Variants in MBNL3 observed in about 807,000 individuals in gnomAD.
The protein encoded by MBNL3 is muscleblind-like protein 3.
MBNL3 carries 6 observed loss-of-function variants against 24.5 expected under a neutral mutation model. The ratio of observed to expected loss-of-function variants is 0.25; its 90% CI spans 0.13 to 0.48. MBNL3 has a LOEUF of 0.48. MBNL3 is among the 20% of genes least tolerant of loss of function. MBNL3 has a pLI of 0.99. For synonymous variants in MBNL3, 100 were observed against 101.7 expected (o/e 0.98, Z 0.10); for missense variants, 230 against 293.5 (o/e 0.78, Z 1.58).
chrX:132,409,249 T>G (rs2148302514), intron 2 of MBNL3, among the ~76,000 whole-genome samples: 1 of 111,959 alleles, frequency 8.9e-6, no homozygotes, highest in Admixed American at 9.4e-5. Flanking sequence ...AACAAACTTG[T>G]TTTTTTTACA....
chrX:132,478,688 T>C lies in MBNL3; in HGVS notation c.-704+10163A>G, dbSNP rs149138614. Among the ~76,000 whole-genome samples, 89 of 112,551 alleles carry C rather than the reference T, an allele frequency of 7.9e-4. 1 individual carries two copies. The East Asian group carries it at 0.022, about 28-fold the overall frequency. ...TGATATTTTCTTACTGTCTATTTAATGCAATTCTGTTTAATAGAAATGCTA... is the reference window on the plus strand; with the variant it reads ...TGATATTTTCTTACTGTCTATTTAACGCAATTCTGTTTAATAGAAATGCTA... On this transcript the variant is annotated intron_variant, in intron 1 of 8. Transcript: ENST00000370853.
At position 132,392,130 on chromosome X, in the gene MBNL3, T is replaced by C. The variant is rs1937277917; in HGVS notation, c.534+13A>G. The C allele has an allele frequency of 1.7e-6, 2 of 1,173,207 alleles. No individual in the cohort carries two copies. The highest frequency in any genetic ancestry group is 2.3e-6 in the Non-Finnish European group (2 of 869,984). The stretch of plus-strand genomic sequence containing the variant: ...TCTATTCTACAGGTATTTATATATA[T>C]GTTCACAAATACCTCCAGTTTATCT... On this transcript the variant is annotated intron_variant, in intron 4 of 8. Transcript: ENST00000370853.
Position 132,439,667 on chromosome X carries a change from C to T in MBNL3, c.-56G>A. 9.2e-7 allele frequency: 1 copy of T among 1,088,133 alleles called. No individual in the cohort carries two copies. The allele number at this position is 1,088,133 out of a possible 1,213,427, so 89.7% of individuals were successfully genotyped here. A position where few individuals can be genotyped will look rare whatever the true frequency, so the allele number is the denominator to read the frequency against. On this transcript the variant is annotated 5_prime_UTR_variant, in exon 2 of 9. Coordinates refer to ENST00000370853, the MANE Select transcript of MBNL3 (RefSeq NM_001386889.1). ...CTCTTTAGGACAATATTACTGTGGA[C>T]TATTAAAGGATTAAAAATGAATTCA...
At chrX:132,381,750 G>A (rs769326009) in intron 8 of MBNL3, among the ~76,000 whole-genome samples, 1 of 112,028 alleles carries the variant, frequency 8.9e-6, no homozygotes, top group South Asian at 3.7e-4. Flanking sequence ...TCCATGTCTT[G>A]GAAAGAAATG....
Position 132,406,220 on chromosome X carries a change from C to T in MBNL3, c.342+8G>A. ...ATCGGCAATTTTCAAAATATAGCTG[C>T]GACTTACAAGTGATGACATTTGAGC... is the stretch of plus-strand genomic sequence containing the variant. On this transcript the variant is annotated splice_region_variant and intron_variant, in intron 3 of 8. Coordinates refer to ENST00000370853, the MANE Select transcript of MBNL3 (RefSeq NM_001386889.1). 1 of 1,210,689 alleles carries T rather than the reference C, an allele frequency of 8.3e-7. No individual in the cohort carries two copies. The highest frequency in any genetic ancestry group is 1.1e-6 in the Non-Finnish European group (1 of 894,924).
At chrX:132,441,757 A>G (rs1373105834) in intron 1 of MBNL3, among the ~76,000 whole-genome samples, 1 of 111,914 alleles carries the variant, frequency 8.9e-6, no homozygotes, top group Non-Finnish European at 1.9e-5. Context: ...ATATACCCAA[A>G]GTATCTGAAA....
rs923995634 is a variant in MBNL3, at chrX:132,373,038, G to C, written c.*6628C>G. On this transcript the variant is annotated 3_prime_UTR_variant, in exon 9 of 9. Coordinates refer to ENST00000370853, the MANE Select transcript of MBNL3 (RefSeq NM_001386889.1). ...GTTAGTAATAGAGGGCTTTTTTTGG[G>C]GGGGGGCCTCAGTTACATCCATTTG... 9.1e-6 allele frequency: 1 copy of C among 109,800 alleles called. No homozygotes were observed. Among genetic ancestry groups the C allele is most frequent in the Non-Finnish European group, 1.9e-5 (1 of 52,487 alleles). The allele number at this position is 109,800 out of a possible 1,213,427, so 9.0% of individuals were successfully genotyped here. A position where few individuals can be genotyped will look rare whatever the true frequency, so the allele number is the denominator to read the frequency against.
At chrX:132,483,826 G>A (rs1360830468) in intron 1 of MBNL3, among the ~76,000 whole-genome samples, 2 of 111,806 alleles carry the variant, frequency 1.8e-5, no homozygotes, top group African/African-American at 6.5e-5. Flanking sequence ...CCTGTATCTT[G>A]GTAAGTAAAA....
chrX:132,489,713 G>GCCGCGGGCGGGCATGCGGAGC (rs74928874), upstream of MBNL3: 74 of 108,262 alleles, frequency 6.8e-4, no homozygotes, highest in African/African-American at 1.9e-3. Flanking sequence ...GGCCAGCGGA[G>GCCGCGGGCGGGCATGCGGAGC]CGCGGGCGGG....
intron 1 of MBNL3, among the ~76,000 whole-genome samples, chrX:132,478,305 T>A (rs1947551728): frequency 9.0e-6 from 1 of 111,659 alleles, no homozygotes; most frequent in Middle Eastern, 4.2e-3. Context: ...ACATAATATA[T>A]AAAGTTTCTG....
At chrX:132,413,914 G>A (rs766121543) in intron 2 of MBNL3, among the ~76,000 whole-genome samples, 1 of 112,101 alleles carries the variant, frequency 8.9e-6, no homozygotes, top group Non-Finnish European at 1.9e-5. Context: ...GTGCAGAGGT[G>A]AGGGGTGGTT....
At chrX:132,448,376 G>A (rs1345336754) in intron 1 of MBNL3, among the ~76,000 whole-genome samples, 1 of 111,514 alleles carries the variant, frequency 9.0e-6, no homozygotes, top group Non-Finnish European at 1.9e-5. Flanking sequence ...TCTTGGGAGG[G>A]TGCATGTGTC....
intron 1 of MBNL3, among the ~76,000 whole-genome samples, chrX:132,487,853 GAAACA>G (rs993753703): frequency 3.6e-5 from 4 of 112,113 alleles, no homozygotes; most frequent in African/African-American, 9.7e-5. Context: ...ACTGGAGGGG[GAAACA>G]AAACAAAACA....
At chrX:132,471,678 G>A (rs1192931435) in intron 1 of MBNL3, among the ~76,000 whole-genome samples, 10 of 112,810 alleles carry the variant, frequency 8.9e-5, no homozygotes, top group Non-Finnish European at 1.9e-4. Context: ...GCCACAGAGT[G>A]AGACCCCCTT....
Position 132,377,162 on chromosome X carries a change from A to G in MBNL3, c.*2504T>C, listed in dbSNP as rs1319667637. The G allele has an allele frequency of 1.8e-5, 2 of 111,926 alleles. No homozygotes were observed. The highest frequency in any genetic ancestry group is 3.2e-5 in the African/African-American group (1 of 30,854). The allele number at this position is 111,926 out of a possible 1,213,427, so 9.2% of individuals were successfully genotyped here. A position where few individuals can be genotyped will look rare whatever the true frequency, so the allele number is the denominator to read the frequency against. On this transcript the variant is annotated 3_prime_UTR_variant, in exon 9 of 9. Transcript: ENST00000370853. ...CACAAAAAAGTTCTTGTCTCCTTTA[A>G]GGAATATATCCAGACTAGCTCAGGT...
At chrX:132,449,989 C>CAG (rs1219319559) in intron 1 of MBNL3, among the ~76,000 whole-genome samples, 1 of 75,938 alleles carries the variant, frequency 1.3e-5, no homozygotes, top group Non-Finnish European at 2.8e-5. Flanking sequence ...CCCCCCCCCC[C>CAG]CCCCGCCACT....
intron 3 of MBNL3, among the ~76,000 whole-genome samples, chrX:132,403,493 C>T (rs928745822): frequency 4.5e-5 from 5 of 111,604 alleles, no homozygotes; most frequent in East Asian, 2.8e-4. Flanking sequence ...AGTCATCTTC[C>T]GTCATCTGAA....
At chrX:132,485,247 A>G (rs1259669974) in intron 1 of MBNL3, among the ~76,000 whole-genome samples, 1 of 111,556 alleles carries the variant, frequency 9.0e-6, no homozygotes, top group Non-Finnish European at 1.9e-5. Context: ...ATTGACCACT[A>G]ATTTGTACAC....
rs185201434 is a variant in MBNL3 at position 132,482,234 on chromosome X, C to T, written c.-704+6617G>A. On this transcript the variant is annotated intron_variant, in intron 1 of 8. Coordinates refer to ENST00000370853, the MANE Select transcript of MBNL3 (RefSeq NM_001386889.1). ...CTAGAAGAGAGGATTTTGAAAGTTC[C>T]CAACACAAAGAAATGACAAATGTTT... is the stretch of plus-strand genomic sequence containing the variant. Among the ~76,000 whole-genome samples, 554 of 112,075 alleles carry T rather than the reference C, an allele frequency of 4.9e-3. 4 individuals carry two copies. Among genetic ancestry groups the T allele is most frequent in the African/African-American group, 0.016 (506 of 30,836 alleles).
Sources: gnomAD v4.1 joint callset for allele counts (sites outside exome capture counted in the v4.1 genomes callset) on GRCh38, gnomAD v4.1.1 for gene constraint, MANE v1.5 for transcripts, NCBI Gene and HGNC (gene_info 2026-07-23, HGNC 2026-07-21) for gene names.